MANBA: variants seen among roughly 807,000 people sequenced by gnomAD.
The protein encoded by MANBA is mannosidase beta, also known as beta-mannosidase.
MANBA carries 83 observed loss-of-function variants against 111.1 expected under a neutral mutation model. The observed-to-expected ratio is 0.75, with a 90% confidence interval of 0.63 to 0.90. MANBA has a LOEUF of 0.90. MANBA is among the 40% of genes least tolerant of loss of function. MANBA has a pLI of 0.00. For missense variants in MANBA, 1,036 were observed against 1,069.0 expected (o/e 0.97, Z 0.43); for synonymous variants, 370 against 378.7 (o/e 0.98, Z 0.27).
intron 4 of MANBA, among the ~76,000 whole-genome samples, chr4:102,715,120 CA>C (rs1722269802): frequency 6.6e-6 from 1 of 152,118 alleles, no homozygotes; most frequent in African/African-American, 2.4e-5. Flanking sequence ...CACTTCTAAC[CA>C]CCAGCATATA....
intron 1 of MANBA, chr4:102,728,514 G>T (rs540237024): frequency 2.1e-5 from 8 of 378,948 alleles, no homozygotes; most frequent in South Asian, 1.3e-4. Context: ...TAACTATAAG[G>T]TTAGCTGTTG....
Position 102,635,006 on chromosome 4 carries a change from A to G in MANBA, c.2197T>C (p.Ser733Pro), listed in dbSNP as rs544124905. Residue 733 changes from serine to proline, a missense_variant, in exon 16 of 17, where the codon TCT (serine) becomes CCT (proline). Transcript: ENST00000647097. The part of the protein sequence containing the change: ...HTWSSLEPVC[S>P]RVTERFVMKG... ...ATCACAAAACGTTCAGTCACACGAGAGCACACGGGCTCCAGGGAGCTCCAT... is the reference window on the plus strand; with the variant it reads ...ATCACAAAACGTTCAGTCACACGAGGGCACACGGGCTCCAGGGAGCTCCAT... 4 of 1,614,196 alleles carry G rather than the reference A, an allele frequency of 2.5e-6. No individual in the cohort carries two copies. Among genetic ancestry groups the G allele is most frequent in the Non-Finnish European group, 3.4e-6 (4 of 1,180,014 alleles).
intron 12 of MANBA, among the ~76,000 whole-genome samples, chr4:102,652,219 T>A (rs1339312908): frequency 6.6e-6 from 1 of 152,200 alleles, no homozygotes; most frequent in Non-Finnish European, 1.5e-5. Flanking sequence ...GCTATACTTT[T>A]GTATCAATTA....
intron 1 of MANBA, among the ~76,000 whole-genome samples, chr4:102,759,104 C>T (rs1040885679): frequency 1.3e-4 from 19 of 151,444 alleles, no homozygotes; most frequent in African/African-American, 4.6e-4. Context: ...ACTGAAGCCA[C>T]TCATTATTTC....
chr4:102,664,175 G>A (rs1212470310), intron 11 of MANBA, among the ~76,000 whole-genome samples: 1 of 152,178 alleles, frequency 6.6e-6, no homozygotes, highest in Non-Finnish European at 1.5e-5. Context: ...TGTATGTGTG[G>A]AGAGCTGCAC....
At chr4:102,706,040 C>T (rs2084776) in intron 5 of MANBA, among the ~76,000 whole-genome samples, 5,998 of 152,248 alleles carry the variant, frequency 0.039, 397 homozygotes, top group African/African-American at 0.13. Flanking sequence ...TGCCATTTCC[C>T]ATGCCATACC....
At chr4:102,732,433 A>T (rs74432352) in intron 1 of MANBA, among the ~76,000 whole-genome samples, 1,816 of 152,354 alleles carry the variant, frequency 0.012, 37 homozygotes, top group African/African-American at 0.04. Flanking sequence ...TAAGTTCCAC[A>T]CAGGTAAGAG....
At chr4:102,695,824 G>A (rs958621852) in intron 5 of MANBA, among the ~76,000 whole-genome samples, 2 of 152,122 alleles carry the variant, frequency 1.3e-5, no homozygotes, top group African/African-American at 2.4e-5. Flanking sequence ...GGTACTTTTT[G>A]CCTTTCAGAG....
intron 10 of MANBA, 44 bp from the exon 11 acceptor site, chr4:102,664,896 T>C: frequency 1.4e-6 from 2 of 1,467,156 alleles, no homozygotes; most frequent in Non-Finnish European, 1.9e-6. Context: ...AGAGTTAACA[T>C]AAAAAATTCA....
intron 5 of MANBA, among the ~76,000 whole-genome samples, chr4:102,695,540 C>G (rs1171706092): frequency 6.6e-6 from 1 of 152,130 alleles, no homozygotes; most frequent in East Asian, 1.9e-4. Context: ...GTGGTAATGA[C>G]TATTCTAACT....
intron 7 of MANBA, chr4:102,682,703 G>A (rs1732040499): frequency 6.6e-6 from 1 of 152,140 alleles, no homozygotes. Context: ...GGAAACAAGA[G>A]ACACACACAA....
intron 13 of MANBA, among the ~76,000 whole-genome samples, chr4:102,644,995 A>C (rs1157092332): frequency 6.6e-6 from 1 of 152,016 alleles, no homozygotes; most frequent in Admixed American, 6.6e-5. Context: ...AATCTATTAT[A>C]TATACCTTGT....
At chr4:102,700,631 T>C (rs1202964537) in intron 5 of MANBA, among the ~76,000 whole-genome samples, 1 of 152,024 alleles carries the variant, frequency 6.6e-6, no homozygotes, top group East Asian at 1.9e-4. Context: ...GTAGTCATTC[T>C]GGAGCAGGTT....
At chr4:102,644,848 A>G (rs1439919737) in intron 13 of MANBA, among the ~76,000 whole-genome samples, 1 of 152,114 alleles carries the variant, frequency 6.6e-6, no homozygotes, top group Non-Finnish European at 1.5e-5. Flanking sequence ...CACATATACC[A>G]AAACATCATG....
At chr4:102,632,369 G>A in intron 16 of MANBA, 88 bp from the exon 17 acceptor site, 1 of 1,080,002 alleles carries the variant, frequency 9.3e-7, no homozygotes. Flanking sequence ...ATTTATGTGG[G>A]CTTAACAAGG....
chr4:102,752,380 G>C, intron 1 of MANBA: 2 of 1,240,658 alleles, frequency 1.6e-6, no homozygotes, highest in Non-Finnish European at 2.4e-6. Flanking sequence ...CCATTCTTTG[G>C]TGTCACTGTC....
chr4:102,755,551 A>C (rs1311869776), intron 1 of MANBA, among the ~76,000 whole-genome samples: 1 of 152,238 alleles, frequency 6.6e-6, no homozygotes, highest in African/African-American at 2.4e-5. Context: ...CATTCAGGAC[A>C]TAGGCATGGG....
At chr4:102,747,560 C>T (rs953842794) in intron 1 of MANBA, among the ~76,000 whole-genome samples, 7 of 152,044 alleles carry the variant, frequency 4.6e-5, no homozygotes, top group African/African-American at 1.7e-4. Context: ...CAGTATTAAC[C>T]ATCACAATGT....
intron 15 of MANBA, among the ~76,000 whole-genome samples, chr4:102,635,454 C>T (rs1285334953): frequency 6.6e-6 from 1 of 152,228 alleles, no homozygotes; most frequent in African/African-American, 2.4e-5. Flanking sequence ...TTGCTTTCCA[C>T]ATGCGCATTC....
Sources: allele counts gnomAD v4.1 joint callset (sites outside exome capture counted in the v4.1 genomes callset), GRCh38; gene constraint gnomAD v4.1.1; transcripts MANE v1.5; gene names NCBI Gene and HGNC (gene_info 2026-07-23, HGNC 2026-07-21).